The following GRID1 variants were observed in gnomAD, a reference collection of about 807,000 sequenced individuals.
GRID1 encodes glutamate receptor ionotropic, delta-1.
A neutral mutation model predicts 98.0 loss-of-function variants in GRID1; 28 were observed. That is an observed-to-expected ratio of 0.29 (90% CI 0.21 to 0.39). GRID1 has a LOEUF of 0.39. GRID1 is among the 10% of genes least tolerant of loss of function. The pLI is 1.00. For missense variants in GRID1, 1,111 were observed against 1,340.5 expected, an observed-to-expected ratio of 0.83 and a Z score of 2.67; for synonymous variants, 553 against 538.5, an observed-to-expected ratio of 1.03 and a Z score of -0.37.
chr10:86,284,515 G>T (rs2132070305), intron 2 of GRID1, among the ~76,000 whole-genome samples: 1 of 152,324 alleles, frequency 6.6e-6, no homozygotes, highest in African/African-American at 2.4e-5. Context: ...TTCCACCACT[G>T]CTGAGCTGGG....
At chr10:86,096,467 C>G (rs1262072486) in intron 4 of GRID1, among the ~76,000 whole-genome samples, 1 of 152,200 alleles carries the variant, frequency 6.6e-6, no homozygotes, top group Non-Finnish European at 1.5e-5. Flanking sequence ...TATACTGGAC[C>G]ACTTCCATCA....
At chr10:85,833,917 T>C (rs1349951849) in intron 8 of GRID1, among the ~76,000 whole-genome samples, 1 of 152,118 alleles carries the variant, frequency 6.6e-6, no homozygotes, top group Non-Finnish European at 1.5e-5. Context: ...ATGAATAAAA[T>C]GTACCCAATG....
At chr10:85,608,350 A>G (rs1388915144) in intron 15 of GRID1, among the ~76,000 whole-genome samples, 1 of 152,246 alleles carries the variant, frequency 6.6e-6, no homozygotes, top group Non-Finnish European at 1.5e-5. Context: ...GGGCCCAAGC[A>G]TCTGTATTTC....
chr10:85,705,407 G>A (rs138928216), intron 12 of GRID1, among the ~76,000 whole-genome samples: 9,156 of 152,164 alleles, frequency 0.06, 527 homozygotes, highest in African/African-American at 0.15. Context: ...GACTAAACCA[G>A]GAAGAAGTTG....
At chr10:86,234,078 C>G (rs1052668357) in intron 2 of GRID1, among the ~76,000 whole-genome samples, 1 of 152,152 alleles carries the variant, frequency 6.6e-6, no homozygotes, top group African/African-American at 2.4e-5. Flanking sequence ...AGGAACACCT[C>G]CTGAGGCCAC....
At chr10:86,107,797 C>A (rs1367697843) in intron 4 of GRID1, among the ~76,000 whole-genome samples, 1 of 152,152 alleles carries the variant, frequency 6.6e-6, no homozygotes, top group Non-Finnish European at 1.5e-5. Context: ...CACTGACCAG[C>A]AGAACAACGC....
intron 2 of GRID1, among the ~76,000 whole-genome samples, chr10:86,268,499 C>T (rs1366124600): frequency 6.6e-6 from 1 of 152,186 alleles, no homozygotes; most frequent in Non-Finnish European, 1.5e-5. Context: ...CGGGGGCTAG[C>T]CCATTTGAAC....
chr10:85,875,153 C>T (rs1843316651), intron 5 of GRID1, among the ~76,000 whole-genome samples: 2 of 152,192 alleles, frequency 1.3e-5, no homozygotes, highest in South Asian at 4.1e-4. Context: ...GCTGGGATTA[C>T]AGGTGTCAGC....
chr10:85,748,863 T>C (rs952209027), intron 8 of GRID1, among the ~76,000 whole-genome samples: 5 of 152,104 alleles, frequency 3.3e-5, no homozygotes, highest in Non-Finnish European at 7.4e-5. Context: ...CACACACTAA[T>C]CTTTTATTTT....
chr10:86,025,493 C>A (rs1366848158), intron 4 of GRID1, among the ~76,000 whole-genome samples: 1 of 152,180 alleles, frequency 6.6e-6, no homozygotes, highest in African/African-American at 2.4e-5. Flanking sequence ...TAGTCACAAT[C>A]AAGGGGTTCC....
At chr10:85,931,495 C>T (rs977964531) in intron 4 of GRID1, among the ~76,000 whole-genome samples, 2 of 151,890 alleles carry the variant, frequency 1.3e-5, no homozygotes, top group Non-Finnish European at 2.9e-5. Flanking sequence ...CATTATATAC[C>T]TCTTTGCCTT....
chr10:86,101,159 C>A (rs1489430447), intron 4 of GRID1, among the ~76,000 whole-genome samples: 2 of 151,972 alleles, frequency 1.3e-5, no homozygotes, highest in African/African-American at 4.8e-5. Flanking sequence ...GCCTGGGTGG[C>A]TGGAATAACA....
chr10:85,698,482 A>G (rs968855119), intron 12 of GRID1, among the ~76,000 whole-genome samples: 7 of 152,182 alleles, frequency 4.6e-5, no homozygotes, highest in African/African-American at 1.7e-4. Context: ...TGTTTTTTCA[A>G]CCTGATAGCT....
intron 3 of GRID1, among the ~76,000 whole-genome samples, chr10:86,149,008 G>A (rs1164097663): frequency 6.6e-6 from 1 of 152,178 alleles, no homozygotes; most frequent in Non-Finnish European, 1.5e-5. Flanking sequence ...GTGCAAAATA[G>A]ATGTTCAGCG....
At chr10:86,318,134 T>C (rs1282886973) in intron 2 of GRID1, among the ~76,000 whole-genome samples, 1 of 152,178 alleles carries the variant, frequency 6.6e-6, no homozygotes, top group African/African-American at 2.4e-5. Context: ...CCCCACTGCC[T>C]GCCTCCTCTT....
In GRID1 at chr10:85,829,766, G is replaced by A. The variant is rs147917052; in HGVS notation, c.1233+24730C>T. ...TAAAGAGGTGAAAGATTTCTACAAT[G>A]AGAATTATAAAACACAACCCAAAGA... is the stretch of plus-strand genomic sequence containing the variant. On this transcript the variant is annotated intron_variant, in intron 8 of 15. Transcript: ENST00000327946. 1.5e-3 allele frequency among the ~76,000 whole-genome samples: 233 copies of A among 152,138 alleles called. 1 individual carries two copies. Among genetic ancestry groups the A allele is most frequent in the African/African-American group, 5.4e-3 (223 of 41,518 alleles).
rs376637841 is a variant in GRID1, at chr10:85,832,641, A to G, written c.1233+21855T>C. The stretch of plus-strand genomic sequence containing the variant: ...AAGGCAATGAAAGGAGAATTCTGAA[A>G]GATGGGAAGAGGAAGACAAAATAGT... On this transcript the variant is annotated intron_variant, in intron 8 of 15. Coordinates refer to ENST00000327946, the MANE Select transcript of GRID1 (RefSeq NM_017551.3). Among the ~76,000 whole-genome samples, 101 of 152,308 alleles carry G rather than the reference A, an allele frequency of 6.6e-4. 2 individuals are homozygous for G. In the South Asian group the frequency reaches 0.021, roughly 31 times the overall value.
chr10:85,875,094 G>A (rs78776679), intron 5 of GRID1, among the ~76,000 whole-genome samples: 1 of 152,076 alleles, frequency 6.6e-6, no homozygotes, highest in Non-Finnish European at 1.5e-5. Flanking sequence ...TGGTCAGGCT[G>A]GTCTTGAACT....
At chr10:85,675,486 G>T (rs1462403484) in intron 12 of GRID1, among the ~76,000 whole-genome samples, 1 of 152,148 alleles carries the variant, frequency 6.6e-6, no homozygotes, top group Non-Finnish European at 1.5e-5. Flanking sequence ...GACATCTTAC[G>T]TGTATCACTT....
Sources: gnomAD v4.1 joint callset for allele counts (sites outside exome capture counted in the v4.1 genomes callset) on GRCh38, gnomAD v4.1.1 for gene constraint, MANE v1.5 for transcripts, NCBI Gene and HGNC (gene_info 2026-07-23, HGNC 2026-07-21) for gene names.